Variants in CPT1A observed in about 807,000 individuals in gnomAD.
The protein encoded by CPT1A is carnitine palmitoyltransferase 1A.
Under a neutral mutation model 100.8 loss-of-function variants are expected in CPT1A, and 64 were observed. That is an observed-to-expected ratio of 0.63 (90% confidence interval 0.52 to 0.78). The LOEUF (loss-of-function observed/expected upper bound fraction) is 0.78. CPT1A is among the 30% of genes least tolerant of loss of function. CPT1A has a pLI of 0.00. For missense variants in CPT1A, 802 were observed against 1,034.1 expected (o/e 0.78, Z 3.08); for synonymous variants, 363 against 396.0 (o/e 0.92, Z 0.99).
chr11:68,826,302 C>T (rs893877675), intron 1 of CPT1A, among the ~76,000 whole-genome samples: 4 of 151,872 alleles, frequency 2.6e-5, no homozygotes, highest in Non-Finnish European at 2.9e-5. Flanking sequence ...AAAAATTAGC[C>T]GGATCTGGTG....
At position 68,759,378 on chromosome 11, in the gene CPT1A, G is replaced by C. The variant is rs1946756622; in HGVS notation, c.2235+191C>G. Among the ~76,000 whole-genome samples, 3 of 151,524 alleles carry C rather than the reference G, an allele frequency of 2.0e-5. No individual in the cohort carries two copies. In the South Asian group the frequency reaches 6.3e-4, roughly 32 times the overall value. ...CCCCTGCACTCCAGCCTGGGCGACA[G>C]AGTGAGACTGTGTCTCCAAAAAAAA... On this transcript the variant is annotated intron_variant, in intron 18 of 18. Transcript: ENST00000265641.
chr11:68,772,179 C>T (rs1406907220), intron 14 of CPT1A, among the ~76,000 whole-genome samples: 1 of 152,158 alleles, frequency 6.6e-6, no homozygotes, highest in Non-Finnish European at 1.5e-5. Flanking sequence ...TGGTGAAACC[C>T]CATCTCTACT....
At chr11:68,773,503 G>C in intron 13 of CPT1A, 74 bp from the exon 14 acceptor site, 1 of 1,606,996 alleles carries the variant, frequency 6.2e-7, no homozygotes, top group Middle Eastern at 1.7e-4. Context: ...AAGGAAATTG[G>C]AGGCTGGTTT....
intron 1 of CPT1A, among the ~76,000 whole-genome samples, chr11:68,821,708 G>T (rs1566382655): frequency 6.6e-6 from 1 of 152,142 alleles, no homozygotes; most frequent in African/African-American, 2.4e-5. Context: ...TATTATTTAG[G>T]TTTTTTCTTT....
At chr11:68,768,639 C>A (rs990343271) in intron 14 of CPT1A, among the ~76,000 whole-genome samples, 1 of 152,106 alleles carries the variant, frequency 6.6e-6, no homozygotes, top group African/African-American at 2.4e-5. Flanking sequence ...CTCCTGACCT[C>A]AAGTGATCCA....
intron 1 of CPT1A, among the ~76,000 whole-genome samples, chr11:68,828,835 C>T (rs188058905): frequency 1.2e-3 from 185 of 152,288 alleles, no homozygotes; most frequent in African/African-American, 4.3e-3. Flanking sequence ...CCCCACTTCC[C>T]GTTCCTTCTT....
chr11:68,817,569 G>C (rs1856463414), intron 1 of CPT1A, among the ~76,000 whole-genome samples: 1 of 152,132 alleles, frequency 6.6e-6, no homozygotes, highest in Non-Finnish European at 1.5e-5. Context: ...GGGAAGCCAG[G>C]AGAAGGAGCA....
intron 17 of CPT1A, 148 bp from the exon 18 acceptor site, chr11:68,759,809 C>T (rs772071148): frequency 2.8e-6 from 2 of 709,742 alleles, no homozygotes; most frequent in Non-Finnish European, 5.2e-6. Context: ...AGGCGGGTCA[C>T]TTGAGCCCAG....
At chr11:68,817,845 G>A (rs1179332041) in intron 1 of CPT1A, among the ~76,000 whole-genome samples, 1 of 151,856 alleles carries the variant, frequency 6.6e-6, no homozygotes, top group Non-Finnish European at 1.5e-5. Context: ...TGGGGTCAAA[G>A]GCAGGGTAGC....
chr11:68,783,843 C>T lies in CPT1A; in HGVS notation c.1163+972G>A, dbSNP rs111985533. ...TCCTATACAATACACACCACACCTG[C>T]GAGAAAACCAAGCTCGGGCTGATTC... is the stretch of plus-strand genomic sequence containing the variant. On this transcript the variant is annotated intron_variant, in intron 10 of 18. Transcript: ENST00000265641. Among the ~76,000 whole-genome samples, 773 of 152,292 alleles carry T rather than the reference C, an allele frequency of 5.1e-3. 6 individuals are homozygous for T. Among genetic ancestry groups the T allele is most frequent in the African/African-American group, 0.018 (731 of 41,562 alleles).
chr11:68,824,880 C>G (rs376526895), intron 1 of CPT1A, among the ~76,000 whole-genome samples: 28 of 142,528 alleles, frequency 2.0e-4, no homozygotes, highest in African/African-American at 6.7e-4. Context: ...CTCACGTTAA[C>G]CTTTGCCTCC....
rs751235722 is a variant in CPT1A, at chr11:68,812,452, C to T, written c.266G>A (p.Arg89Gln). 147 of 1,614,154 alleles carry T rather than the reference C, an allele frequency of 9.1e-5. No homozygotes were observed. Among genetic ancestry groups the T allele is most frequent in the East Asian group, 1.3e-4 (6 of 44,872 alleles). Reference sequence around the variant, plus strand: ...GATTACTTACGCCGTTTCCAGAGTCCGATTGATTTTTGCAATTATTCCTAA... The same window carrying T: ...GATTACTTACGCCGTTTCCAGAGTCTGATTGATTTTTGCAATTATTCCTAA... ...PSLGIIAKIN[R>Q]TLETANCMSS... Residue 89 changes from arginine to glutamine, a missense_variant, in exon 3 of 19, where the codon CGG becomes CAG. Physicochemically the swap from Arg to Gln is conservative, Grantham distance 43. This residue lies in a region of CPT1A where 161 missense variants were observed against 183.7 expected (regional missense o/e 0.88). Coordinates refer to ENST00000265641, the MANE Select transcript of CPT1A (RefSeq NM_001876.4).
chr11:68,812,882 G>A (rs1856257434), intron 2 of CPT1A, among the ~76,000 whole-genome samples: 3 of 151,992 alleles, frequency 2.0e-5, no homozygotes, highest in South Asian at 4.2e-4. Flanking sequence ...GGTGAAGGAC[G>A]TCACTGAGCC....
At position 68,763,477 on chromosome 11, in the gene CPT1A, G is replaced by A. The variant is rs570943889; in HGVS notation, c.1741-716C>T. Among the ~76,000 whole-genome samples the A allele has an allele frequency of 5.3e-5, 8 of 152,258 alleles. No individual in the cohort carries two copies. The East Asian group carries it at 1.5e-3, about 29-fold the overall frequency. ...AATTCCACTGCGTCTGGAAGATGGT[G>A]AGAATGATCTGGGAGAGACTGTGCT... is the stretch of plus-strand genomic sequence containing the variant. On this transcript the variant is annotated intron_variant, in intron 14 of 18. Coordinates refer to ENST00000265641, the MANE Select transcript of CPT1A (RefSeq NM_001876.4).
intron 1 of CPT1A, among the ~76,000 whole-genome samples, chr11:68,833,707 C>A (rs1856938537): frequency 6.6e-6 from 1 of 151,872 alleles, no homozygotes. Context: ...GCACTCCAGC[C>A]TGGGCAACAA....
chr11:68,813,466 G>A (rs1594361373), intron 2 of CPT1A, among the ~76,000 whole-genome samples: 1 of 150,202 alleles, frequency 6.7e-6, no homozygotes, highest in Admixed American at 6.7e-5. Flanking sequence ...AGGAGGCGGA[G>A]GTTGCAGTGA....
chr11:68,838,214 T>G (rs1169186262), intron 1 of CPT1A, among the ~76,000 whole-genome samples: 1 of 152,010 alleles, frequency 6.6e-6, no homozygotes, highest in African/African-American at 2.4e-5. Flanking sequence ...GCAGCATGAT[T>G]TCTTTCACTG....
intron 16 of CPT1A, among the ~76,000 whole-genome samples, chr11:68,761,058 T>TA (rs1340497453): frequency 6.6e-6 from 1 of 150,428 alleles, no homozygotes; most frequent in African/African-American, 2.4e-5. Context: ...AAATAAAACT[T>TA]AAATTAAATT....
intron 1 of CPT1A, among the ~76,000 whole-genome samples, chr11:68,834,943 G>T (rs1856971040): frequency 6.6e-6 from 1 of 150,774 alleles, no homozygotes; most frequent in Non-Finnish European, 1.5e-5. Context: ...AGGTTGCAGT[G>T]AGCCATGATT....
Sources: allele counts gnomAD v4.1 joint callset (sites outside exome capture counted in the v4.1 genomes callset), GRCh38; gene constraint gnomAD v4.1.1; regional missense constraint gnomAD v4.1.1; transcripts MANE v1.5; gene names NCBI Gene and HGNC (gene_info 2026-07-23, HGNC 2026-07-21).